Variants in SETBP1 observed in about 807,000 individuals in gnomAD.
SETBP1 encodes SET-binding protein.
In SETBP1, 9 loss-of-function variants were observed where a neutral mutation model predicts 101.0. That is an observed-to-expected ratio of 0.09 (90% CI 0.05 to 0.16). The LOEUF (loss-of-function observed/expected upper bound fraction) is 0.16. SETBP1 is among the 10% of genes least tolerant of loss of function. SETBP1 has a pLI of 1.00. For missense variants in SETBP1, 1,858 were observed against 2,033.8 expected (o/e 0.91, Z 1.66); for synonymous variants, 818 against 788.5 (o/e 1.04, Z -0.63).
chr18:44,815,936 A>G (rs1360129248), intron 2 of SETBP1, among the ~76,000 whole-genome samples: 1 of 152,216 alleles, frequency 6.6e-6, no homozygotes, highest in Non-Finnish European at 1.5e-5. Flanking sequence ...TCCAGAGTCT[A>G]TAATATAGCT....
chr18:44,837,191 T>G (rs750327068), intron 2 of SETBP1, among the ~76,000 whole-genome samples: 2 of 152,150 alleles, frequency 1.3e-5, no homozygotes, highest in Non-Finnish European at 2.9e-5. Context: ...TATGCACTCC[T>G]TTTTTCAGCT....
chr18:44,768,040 T>C (rs565577078), intron 2 of SETBP1, among the ~76,000 whole-genome samples: 1 of 152,244 alleles, frequency 6.6e-6, no homozygotes, highest in Non-Finnish European at 1.5e-5. Context: ...CGTAATAGAC[T>C]GAGCTCCTTG....
At chr18:44,901,125 A>G (rs1349153650) in intron 3 of SETBP1, among the ~76,000 whole-genome samples, 2 of 152,172 alleles carry the variant, frequency 1.3e-5, no homozygotes, top group Non-Finnish European at 2.9e-5. Flanking sequence ...CACTTGGGCT[A>G]ATATTGTTAA....
chr18:44,742,965 CTCTCT>C (rs2070132171), intron 2 of SETBP1, among the ~76,000 whole-genome samples: 4 of 139,600 alleles, frequency 2.9e-5, no homozygotes, highest in Non-Finnish European at 4.8e-5. Flanking sequence ...CTCTCTCTCT[CTCTCT>C]CCCCCCCTGT....
chr18:45,031,341 G>T lies in SETBP1; in HGVS notation c.4001-7144G>T, dbSNP rs117322463. ...CATATTCACAGGTTCTAGGAATTAC[G>T]ATGTGGACAGCTTTGGAGGGGAAAC... is the stretch of plus-strand genomic sequence containing the variant. On this transcript the variant is annotated intron_variant, in intron 4 of 5. Transcript: ENST00000649279. 5.9e-5 allele frequency among the ~76,000 whole-genome samples: 9 copies of T among 152,132 alleles called. No individual in the cohort carries two copies. The South Asian group carries it at 1.9e-3, about 32-fold the overall frequency.
intron 2 of SETBP1, among the ~76,000 whole-genome samples, chr18:44,806,492 A>G (rs1422958885): frequency 1.3e-5 from 2 of 152,090 alleles, no homozygotes; most frequent in African/African-American, 2.4e-5. Context: ...ATATTTATGT[A>G]CCAGTTTGTT....
chr18:44,963,230 G>A (rs1314560746), intron 4 of SETBP1, among the ~76,000 whole-genome samples: 1 of 152,136 alleles, frequency 6.6e-6, no homozygotes, highest in Non-Finnish European at 1.5e-5. Flanking sequence ...TATCCCTAAA[G>A]AACTCTTGCC....
chr18:45,022,557 C>T (rs533285984), intron 4 of SETBP1, among the ~76,000 whole-genome samples: 10 of 152,196 alleles, frequency 6.6e-5, no homozygotes, highest in Non-Finnish European at 1.5e-4. Context: ...AGGCCAGGCA[C>T]GGTGGCCCAC....
intron 1 of SETBP1, among the ~76,000 whole-genome samples, chr18:44,681,245 A>G (rs1315739789): frequency 2.0e-5 from 3 of 152,142 alleles, no homozygotes; most frequent in African/African-American, 7.2e-5. Context: ...GGTGGTTTCC[A>G]GTGGGAAATC....
intron 1 of SETBP1, among the ~76,000 whole-genome samples, chr18:44,682,994 A>G (rs2068784607): frequency 6.6e-6 from 1 of 151,868 alleles, no homozygotes; most frequent in Non-Finnish European, 1.5e-5. Flanking sequence ...GTATCTCTGG[A>G]ATAAACAAAC....
In SETBP1 at chr18:45,063,703, G is replaced by A; in HGVS notation, c.*5G>A. 1 of 1,604,032 alleles carries A rather than the reference G, an allele frequency of 6.2e-7. No homozygotes were observed. Among genetic ancestry groups the A allele is most frequent in the Non-Finnish European group, 8.5e-7 (1 of 1,175,712 alleles). On this transcript the variant is annotated 3_prime_UTR_variant, in exon 6 of 6. Coordinates refer to ENST00000649279, the MANE Select transcript of SETBP1 (RefSeq NM_015559.3). Reference sequence around the variant, plus strand: ...GAGAGCGAGGTCCTTCCCTAGGGCGGGTCTGGGCGTCTGCACCTGGGGCCT... The same window carrying A: ...GAGAGCGAGGTCCTTCCCTAGGGCGAGTCTGGGCGTCTGCACCTGGGGCCT...
chr18:44,806,327 G>C (rs987058563), intron 2 of SETBP1, among the ~76,000 whole-genome samples: 6 of 152,160 alleles, frequency 3.9e-5, no homozygotes, highest in Non-Finnish European at 8.8e-5. Flanking sequence ...TTTAGCAGGA[G>C]TGGTCACAAG....
intron 2 of SETBP1, among the ~76,000 whole-genome samples, chr18:44,739,287 C>T (rs1174899815): frequency 2.0e-5 from 3 of 152,154 alleles, no homozygotes; most frequent in African/African-American, 7.2e-5. Context: ...GGGATTAGGA[C>T]ACAGGACATC....
Position 44,797,679 on chromosome 18 carries a change from T to C in SETBP1, c.487-71551T>C, listed in dbSNP as rs2071510559. ...TGCTCTTTCCTTGAACCCAGTACTC[T>C]GGGGGCTGATGTTAATGGAGGACAG... On this transcript the variant is annotated intron_variant, in intron 2 of 5. Coordinates refer to ENST00000649279, the MANE Select transcript of SETBP1 (RefSeq NM_015559.3). 5.9e-5 allele frequency among the ~76,000 whole-genome samples: 9 copies of C among 152,282 alleles called. 1 individual carries two copies. In the South Asian group the frequency reaches 1.9e-3, roughly 32 times the overall value.
intron 5 of SETBP1, among the ~76,000 whole-genome samples, chr18:45,041,253 A>G (rs904901807): frequency 2.2e-4 from 33 of 152,204 alleles, no homozygotes; most frequent in African/African-American, 7.7e-4. Context: ...AATGAAACTC[A>G]TAATTTGATG....
intron 2 of SETBP1, among the ~76,000 whole-genome samples, chr18:44,821,359 T>C (rs1670916277): frequency 6.6e-6 from 1 of 152,202 alleles, no homozygotes; most frequent in Non-Finnish European, 1.5e-5. Context: ...GTCACATCAG[T>C]CTCCTGGATT....
intron 2 of SETBP1, among the ~76,000 whole-genome samples, chr18:44,787,860 C>CAAAAAAAAAAAAAAAAAA (rs11399627): frequency 0.017 from 153 of 9,114 alleles, 22 homozygotes; most frequent in Non-Finnish European, 0.024. Context: ...GAGTCCGTCT[C>CAAAAAAAAAAAAAAAAAA]AAAAAAAAAA....
At chr18:44,740,419 A>T (rs1432045893) in intron 2 of SETBP1, among the ~76,000 whole-genome samples, 1 of 152,224 alleles carries the variant, frequency 6.6e-6, no homozygotes, top group Non-Finnish European at 1.5e-5. Context: ...TCCTTTCTTC[A>T]TGTTCGGAAT....
At chr18:44,751,225 A>G (rs745776275) in intron 2 of SETBP1, among the ~76,000 whole-genome samples, 1 of 152,208 alleles carries the variant, frequency 6.6e-6, no homozygotes, top group Non-Finnish European at 1.5e-5. Context: ...TGCTTTCCAC[A>G]TCAGCCTCAC....
Sources: allele counts gnomAD v4.1 joint callset (sites outside exome capture counted in the v4.1 genomes callset), GRCh38; gene constraint gnomAD v4.1.1; transcripts MANE v1.5; gene names NCBI Gene and HGNC (gene_info 2026-07-23, HGNC 2026-07-21).